The following MAN2B1 variants were observed in gnomAD, a reference collection of about 807,000 sequenced individuals.
MAN2B1 encodes mannosidase alpha class 2B member 1, also known as lysosomal alpha-mannosidase.
In MAN2B1, 99 loss-of-function variants were observed where a neutral mutation model predicts 127.5. That is an observed-to-expected ratio of 0.78 (90% CI 0.66 to 0.92). MAN2B1 has a LOEUF of 0.92. Ranked by LOEUF, MAN2B1 falls within the 40% of genes least tolerant of loss-of-function variation. The pLI is 0.00. For synonymous variants in MAN2B1, 573 were observed against 568.8 expected, an observed-to-expected ratio of 1.01 and a Z score of -0.11; for missense variants, 1,304 against 1,384.8, an observed-to-expected ratio of 0.94 and a Z score of 0.93.
At chr19:12,666,465 A>G (rs1407314318) in intron 1 of MAN2B1, 78 bp downstream of exon 1, 2 of 1,505,710 alleles carry the variant, frequency 1.3e-6, no homozygotes, top group Non-Finnish European at 1.8e-6. Flanking sequence ...CCCACAGGAC[A>G]GACCCACCCA....
chr19:12,665,098 C>G, intron 3 of MAN2B1, 113 bp from the exon 4 acceptor site: 1 of 1,139,894 alleles, frequency 8.8e-7, no homozygotes, highest in Admixed American at 1.8e-5. Flanking sequence ...GGCGGAAGGA[C>G]AAGAGGGGTC....
chr19:12,663,382 G>T lies in MAN2B1; in HGVS notation c.844C>A (p.Pro282Thr), dbSNP rs45576136. The T allele has an allele frequency of 1.2e-6, 2 of 1,613,946 alleles. No homozygotes were observed. Among genetic ancestry groups the T allele is most frequent in the Non-Finnish European group, 1.7e-6 (2 of 1,179,942 alleles). ...LCVDQPLVED[P>T]RSPEYNAKEL... Reference sequence around the variant, plus strand: ...TTGGCGTTGTACTCGGGGCTGCGAGGGTCCTCCACCAGCGGCTGATCGACA... The same window carrying T: ...TTGGCGTTGTACTCGGGGCTGCGAGTGTCCTCCACCAGCGGCTGATCGACA... Residue 282 changes from proline (P) to threonine (T), a missense_variant, in exon 6 of 24, where the codon CCT becomes ACT. Physicochemically the swap from Pro to Thr is conservative, Grantham distance 38. Coordinates refer to ENST00000456935, the MANE Select transcript of MAN2B1 (RefSeq NM_000528.4).
At chr19:12,656,077 A>G (rs2023947477) in intron 13 of MAN2B1, 198 bp from the exon 14 acceptor site, 2 of 540,734 alleles carry the variant, frequency 3.7e-6, no homozygotes, top group East Asian at 6.3e-5. Context: ...ACCCACCGGG[A>G]GGGTGGAGAG....
At position 12,652,245 on chromosome 19, in the gene MAN2B1, C is replaced by T. The variant is rs756680048; in HGVS notation, c.1954G>A (p.Glu652Lys). The T allele has an allele frequency of 1.1e-5, 18 of 1,614,010 alleles. No homozygotes were observed. The highest frequency in any genetic ancestry group is 1.4e-5 in the Non-Finnish European group (17 of 1,180,020). ...FWYNASIGDN[E>K]SDQASGAYIF... ...TAGGCACCTGAGGCCTGGTCACTTTCGTTGTCACCTATACTGGCGTTGTAC... is the reference window on the plus strand; with the variant it reads ...TAGGCACCTGAGGCCTGGTCACTTTTGTTGTCACCTATACTGGCGTTGTAC... Residue 652 changes from glutamate (E) to lysine (K), a missense_variant, in exon 16 of 24, where the codon GAA becomes AAA. Physicochemically the swap from Glu to Lys is moderately conservative, Grantham distance 56 (BLOSUM62 1). Coordinates refer to ENST00000456935, the MANE Select transcript of MAN2B1 (RefSeq NM_000528.4).
In MAN2B1 at chr19:12,666,602, G is replaced by C. The variant is rs900272650; in HGVS notation, c.100C>G (p.Pro34Ala). The change falls in exon 1 of 24, where the codon CCT becomes GCT. Residue 34 changes from proline to alanine, a missense_variant. Physicochemically the swap from Pro to Ala is conservative, Grantham distance 27. Coordinates refer to ENST00000456935, the MANE Select transcript of MAN2B1 (RefSeq NM_000528.4). ...MSRALRPPLP[P>A]LCFFLLLLAA... ...AGCAACAAAAGGAAAAAGCAGAGAGGCGGGAGCGGTGGCCGCAGGGCGCGG... is the reference window on the plus strand; with the variant it reads ...AGCAACAAAAGGAAAAAGCAGAGAGCCGGGAGCGGTGGCCGCAGGGCGCGG... 1.9e-6 allele frequency: 3 copies of C among 1,568,086 alleles called. No individual in the cohort carries two copies. The highest frequency in any genetic ancestry group is 2.6e-6 in the Non-Finnish European group (3 of 1,156,738).
Position 12,646,647 on chromosome 19 carries a change from T to C in MAN2B1, c.3009A>G (p.Ser1003=). 6.2e-7 allele frequency: 1 copy of C among 1,613,868 alleles called. No individual in the cohort carries two copies. Among genetic ancestry groups the C allele is most frequent in the Non-Finnish European group, 8.5e-7 (1 of 1,179,800 alleles). ...AACCATCCACCTCCTTCCATTGAAC[T>C]GAGGCCAGGAAAGTGCGGATTTCCA... The part of the protein sequence containing the change: ...EPMEIRTFLA[S]VQWKEVDG Residue 1003 remains serine (S), a synonymous_variant, in exon 24 of 24, where the codon TCA becomes TCG. Transcript: ENST00000456935.
chr19:12,652,083 G>T, intron 16 of MAN2B1, 70 bp downstream of exon 16: 1 of 1,178,310 alleles, frequency 8.5e-7, no homozygotes, highest in Non-Finnish European at 1.3e-6. Context: ...TCTACACATG[G>T]CCCACCACCC....
intron 5 of MAN2B1, 60 bp from the exon 6 acceptor site, chr19:12,663,522 G>T (rs1048099918): frequency 6.2e-7 from 1 of 1,603,316 alleles, no homozygotes; most frequent in African/African-American, 1.3e-5. Context: ...TGGTTTCAAA[G>T]CCGGCCATGT....
chr19:12,666,703 G>T lies in MAN2B1; in HGVS notation c.-2C>A, dbSNP rs2024257395. On this transcript the variant is annotated 5_prime_UTR_variant, in exon 1 of 24. Coordinates refer to ENST00000456935, the MANE Select transcript of MAN2B1 (RefSeq NM_000528.4). ...CGAAGCCCGCGCGTAGGCGCCCATG[G>T]CTCAGCAGCTTCCTCCTGGGGTTCC... The T allele has an allele frequency of 6.5e-7, 1 of 1,548,480 alleles. No homozygotes were observed. Among genetic ancestry groups the T allele is most frequent in the Non-Finnish European group, 8.7e-7 (1 of 1,146,564 alleles).
At position 12,647,497 on chromosome 19, in the gene MAN2B1, G is replaced by A. The variant is rs150866794; in HGVS notation, c.2766C>T (p.Ala922=). 305 of 1,614,084 alleles carry A rather than the reference G, an allele frequency of 1.9e-4. No individual in the cohort carries two copies. Among genetic ancestry groups the A allele is most frequent in the Non-Finnish European group, 2.5e-4 (293 of 1,180,028 alleles). The change falls in exon 22 of 24, where the codon GCC becomes GCT. Residue 922 remains alanine, a synonymous_variant. Coordinates refer to ENST00000456935, the MANE Select transcript of MAN2B1 (RefSeq NM_000528.4). The surrounding 1 kb of genome is among the most constrained non-coding windows in gnomAD (Gnocchi z 4.9). ...GGTTACGTCCGGAATCCTCTCCTAC[G>A]GCAAACTGGTGCTCCAAGCGCAGCA... ...MVLLRLEHQF[A]VGEDSGRNLS... is the part of the protein sequence containing the mutation.
rs367602761 is a variant in MAN2B1, at chr19:12,650,101, C to A, written c.2165+3G>T. The stretch of plus-strand genomic sequence containing the variant: ...CACCCCTCTCCCAGCCTGTGCCACT[C>A]ACCCCACAGGTATCGGCCCCACCGA... On this transcript the variant is annotated splice_donor_region_variant and intron_variant, in intron 17 of 23. Transcript: ENST00000456935. 1 of 1,612,980 alleles carries A rather than the reference C, an allele frequency of 6.2e-7. No homozygotes were observed. Among genetic ancestry groups the A allele is most frequent in the Non-Finnish European group, 8.5e-7 (1 of 1,179,136 alleles).
At chr19:12,649,307 C>A (rs752588439) in intron 19 of MAN2B1, 34 bp downstream of exon 19, 6 of 1,604,388 alleles carry the variant, frequency 3.7e-6, no homozygotes, top group Non-Finnish European at 5.1e-6. Flanking sequence ...CCCTTTCTAT[C>A]GAGGTGGGGA....
At chr19:12,665,838 C>T in intron 1 of MAN2B1, 33 bp from the exon 2 acceptor site, 2 of 1,554,278 alleles carry the variant, frequency 1.3e-6, no homozygotes, top group Non-Finnish European at 1.8e-6. Context: ...CATACCTTGT[C>T]AATAACCCCC....
At chr19:12,653,013 T>C (rs1245203762) in intron 14 of MAN2B1, among the ~76,000 whole-genome samples, 1 of 151,522 alleles carries the variant, frequency 6.6e-6, no homozygotes, top group African/African-American at 2.4e-5. Context: ...TTTGTATTTT[T>C]AGTAGAGACG....
Position 12,665,683 on chromosome 19 carries a change from A to G in MAN2B1, c.262+20T>C, listed in dbSNP as rs2024216300. 6.2e-7 allele frequency: 1 copy of G among 1,607,440 alleles called. No individual in the cohort carries two copies. Among genetic ancestry groups the G allele is most frequent in the Non-Finnish European group, 8.5e-7 (1 of 1,173,936 alleles). On this transcript the variant is annotated intron_variant, in intron 2 of 23. Transcript: ENST00000456935. Reference sequence around the variant, plus strand: ...AGGGACCATGGGGATCCCAGGGACCAGTCCCCATCCTCTACTCACTTCCAT... The same window carrying G: ...AGGGACCATGGGGATCCCAGGGACCGGTCCCCATCCTCTACTCACTTCCAT...
At position 12,658,215 on chromosome 19, in the gene MAN2B1, C is replaced by G. The variant is rs367590716; in HGVS notation, c.1230+9G>C. ...GCTGCATGCCCCCTCTAGCCCGGCT[C>G]CTACCCACCTGCAGGAAGTTGTAGC... On this transcript the variant is annotated intron_variant, in intron 9 of 23. Transcript: ENST00000456935. 1.0e-4 allele frequency: 168 copies of G among 1,613,960 alleles called. 1 individual carries two copies. In the African/African-American group the frequency reaches 2.1e-3, roughly 20 times the overall value.
intron 7 of MAN2B1, among the ~76,000 whole-genome samples, chr19:12,659,329 T>A (rs2024049157): frequency 6.9e-6 from 1 of 145,650 alleles, no homozygotes; most frequent in Non-Finnish European, 1.5e-5. Flanking sequence ...TGAGACTGAG[T>A]CTGACTCTGT....
At position 12,649,335 on chromosome 19, in the gene MAN2B1, A is replaced by G. The variant is rs1052970162; in HGVS notation, c.2355+6T>C. Reference sequence around the variant, plus strand: ...GGTGGGGAGGTGCAGGATGGGGGAGAGCTACCGTGATGTAAATCCGGGTGT... The same window carrying G: ...GGTGGGGAGGTGCAGGATGGGGGAGGGCTACCGTGATGTAAATCCGGGTGT... On this transcript the variant is annotated splice_donor_region_variant and intron_variant, in intron 19 of 23. Transcript: ENST00000456935. 3.1e-6 allele frequency: 5 copies of G among 1,611,582 alleles called. No individual in the cohort carries two copies. The highest frequency in any genetic ancestry group is 2.7e-5 in the African/African-American group (2 of 74,668).
chr19:12,657,416 C>G, intron 11 of MAN2B1, 30 bp downstream of exon 11: 1 of 1,533,584 alleles, frequency 6.5e-7, no homozygotes, highest in Non-Finnish European at 8.8e-7. Context: ...TGTCTCCACC[C>G]CCGTGTCTCC....
Sources: gnomAD v4.1 joint callset for allele counts (sites outside exome capture counted in the v4.1 genomes callset) on GRCh38, gnomAD v4.1.1 for gene constraint, Gnocchi (gnomAD v3.1) non-coding constraint, MANE v1.5 for transcripts, NCBI Gene and HGNC (gene_info 2026-07-23, HGNC 2026-07-21) for gene names.